Variants in ANK3 observed in about 807,000 individuals in gnomAD.
The protein encoded by ANK3 is ankyrin-3.
ANK3 carries 57 observed loss-of-function variants against 370.9 expected under a neutral mutation model. The ratio of observed to expected loss-of-function variants is 0.15; its 90% CI spans 0.12 to 0.19. The LOEUF is 0.19. Ranked by LOEUF, ANK3 falls within the 10% of genes least tolerant of loss-of-function variation. The pLI, the probability that ANK3 is intolerant of heterozygous loss-of-function variation, is 1.00. For synonymous variants in ANK3, 1,929 were observed against 1,946.3 expected (o/e 0.99, Z 0.23); for missense variants, 4,439 against 5,302.1 (o/e 0.84, Z 5.06).
intron 25 of ANK3, among the ~76,000 whole-genome samples, chr10:60,133,870 C>T (rs2094212799): frequency 1.3e-5 from 2 of 152,042 alleles, no homozygotes; most frequent in Non-Finnish European, 1.5e-5. Context: ...AGTGAGCTGA[C>T]ATCATGCCAC....
chr10:60,360,577 T>A (rs2058446126), intron 1 of ANK3, among the ~76,000 whole-genome samples: 1 of 152,048 alleles, frequency 6.6e-6, no homozygotes, highest in African/African-American at 2.4e-5. Context: ...GGCATAGTGG[T>A]ATGCACCTGT....
intron 1 of ANK3, among the ~76,000 whole-genome samples, chr10:60,716,450 C>T (rs2079789626): frequency 6.6e-6 from 1 of 152,094 alleles, no homozygotes; most frequent in Admixed American, 6.5e-5. Flanking sequence ...GAAAATAAAT[C>T]TCAATCTTCC....
intron 2 of ANK3, among the ~76,000 whole-genome samples, chr10:60,424,733 T>C (rs2063845165): frequency 6.6e-6 from 1 of 152,068 alleles, no homozygotes; most frequent in Non-Finnish European, 1.5e-5. Context: ...AAATGATTTT[T>C]ATCACATGAA....
rs1379446115 is a variant in ANK3 at position 60,068,670 on chromosome 10, C to T, written c.12211G>A (p.Ala4071Thr). 1 of 1,612,618 alleles carries T rather than the reference C, an allele frequency of 6.2e-7. No homozygotes were observed. Among genetic ancestry groups the T allele is most frequent in the Middle Eastern group, 1.7e-4 (1 of 6,052 alleles). The change falls in exon 37 of 44, where the codon GCC becomes ACC. Residue 4071 changes from alanine to threonine, a missense_variant. Physicochemically the swap from Ala to Thr is moderately conservative, Grantham distance 58. Around this residue, in one of 13 missense-constraint regions of ANK3, gnomAD observed 99 missense variants for 150.7 expected, o/e 0.66. Transcript: ENST00000280772. The stretch of plus-strand genomic sequence containing the variant: ...CTACTGCTCCTTTTCTCACTGCCGG[C>T]CTTTTCACTCTTTGATTTTAAAGGT... ...AAPLKSKSEK[A>T]GSEKRSSRRT...
intron 26 of ANK3, among the ~76,000 whole-genome samples, chr10:60,110,003 A>G (rs985179132): frequency 2.0e-5 from 3 of 152,186 alleles, no homozygotes; most frequent in Non-Finnish European, 4.4e-5. Context: ...GGGGAACACA[A>G]ATATATCCCT....
chr10:60,556,026 T>G (rs7095722), intron 2 of ANK3, among the ~76,000 whole-genome samples: 2,201 of 152,332 alleles, frequency 0.014, 58 homozygotes, highest in African/African-American at 0.05. Context: ...GGCCAAAGCC[T>G]TGGCTGCAGT....
intron 1 of ANK3, among the ~76,000 whole-genome samples, chr10:60,733,060 C>T (rs2080047945): frequency 6.6e-6 from 1 of 151,938 alleles, no homozygotes; most frequent in Admixed American, 6.5e-5. Flanking sequence ...TCCCGGGCCG[C>T]AACTTCCAGG....
intron 1 of ANK3, chr10:60,684,836 C>G (rs932154494): frequency 6.6e-7 from 1 of 1,511,322 alleles, no homozygotes; most frequent in Non-Finnish European, 9.1e-7. Context: ...ATGGAAGAAG[C>G]CAAAACTGAA....
chr10:60,228,464 G>A (rs1592088099), intron 8 of ANK3, among the ~76,000 whole-genome samples: 2 of 150,806 alleles, frequency 1.3e-5, no homozygotes, highest in African/African-American at 2.4e-5. Flanking sequence ...CCTGGGAGAC[G>A]GAGGTTGCAG....
At chr10:60,710,758 T>C (rs867444855) in intron 1 of ANK3, among the ~76,000 whole-genome samples, 53 of 152,274 alleles carry the variant, frequency 3.5e-4, no homozygotes, top group African/African-American at 1.3e-3. Context: ...ATCAGCAAGC[T>C]GGAGACCCAG....
At position 60,073,477 on chromosome 10, in the gene ANK3, A is replaced by T. The variant is rs1401459891; in HGVS notation, c.7404T>A (p.Leu2468=). The change falls in exon 37 of 44, where the codon CTT becomes CTA. Residue 2468 remains leucine, a synonymous_variant. Transcript: ENST00000280772. ...GESYRFAEKM[L]LSEKLDVSHS... ...GAGACACATCTAGCTTTTCTGACAG[A>T]AGCATTTTCTCAGCAAACCTGTAAG... The T allele has an allele frequency of 1.2e-6, 2 of 1,613,968 alleles. No individual in the cohort carries two copies. The highest frequency in any genetic ancestry group is 1.7e-5 in the Admixed American group (1 of 59,996).
At chr10:60,338,870 A>G (rs552409066) in intron 1 of ANK3, among the ~76,000 whole-genome samples, 125 of 152,158 alleles carry the variant, frequency 8.2e-4, no homozygotes, top group Middle Eastern at 3.2e-3. Flanking sequence ...GAGGCCAAAC[A>G]TATTTAATGT....
chr10:60,547,484 C>T (rs1439132163), intron 2 of ANK3, among the ~76,000 whole-genome samples: 1 of 152,058 alleles, frequency 6.6e-6, no homozygotes, highest in Non-Finnish European at 1.5e-5. Context: ...CAACCTCCAC[C>T]TCCTGGGTTC....
rs555424652 is a variant in ANK3 at position 60,554,518 on chromosome 10, T to C, written c.96+60668A>G. Among the ~76,000 whole-genome samples, 4 of 152,176 alleles carry C rather than the reference T, an allele frequency of 2.6e-5. No homozygotes were observed. The East Asian group carries it at 7.7e-4, about 29-fold the overall frequency. On this transcript the variant is annotated intron_variant, in intron 2 of 43. Transcript: ENST00000373827. ...AACTTCAAAACGATGAAGCCAAAAA[T>C]TGCAATGGTATCAGGTTTTGTAGCA... is the stretch of plus-strand genomic sequence containing the variant.
At chr10:60,412,023 A>C (rs2063570151) in intron 2 of ANK3, among the ~76,000 whole-genome samples, 1 of 152,178 alleles carries the variant, frequency 6.6e-6, no homozygotes, top group South Asian at 2.1e-4. Flanking sequence ...AGAAGAAATA[A>C]GAAAGTAAAG....
rs114561532 is a variant in ANK3 at position 60,364,313 on chromosome 10, A to G, written c.114+25112T>C. Reference sequence around the variant, plus strand: ...GGTCTCAAAAAAAAAAAAAGAGAAAATGATTAAGGCTGCTCAAGTGATCTA... The same window carrying G: ...GGTCTCAAAAAAAAAAAAAGAGAAAGTGATTAAGGCTGCTCAAGTGATCTA... On this transcript the variant is annotated intron_variant, in intron 1 of 43. Coordinates refer to ENST00000280772, the MANE Select transcript of ANK3 (RefSeq NM_020987.5). Among the ~76,000 whole-genome samples, 492 of 151,880 alleles carry G rather than the reference A, an allele frequency of 3.2e-3. 4 individuals carry two copies. Among genetic ancestry groups the G allele is most frequent in the African/African-American group, 0.011 (444 of 41,392 alleles).
At chr10:60,030,981 A>C (rs2073360480) in intron 43 of ANK3, among the ~76,000 whole-genome samples, 1 of 152,080 alleles carries the variant, frequency 6.6e-6, no homozygotes, top group Non-Finnish European at 1.5e-5. Flanking sequence ...TGGCTGAGAG[A>C]GGTAATCTCT....
intron 2 of ANK3, among the ~76,000 whole-genome samples, chr10:60,593,360 G>A (rs2077943461): frequency 6.6e-6 from 1 of 152,126 alleles, no homozygotes; most frequent in African/African-American, 2.4e-5. Flanking sequence ...ATTACCTTAT[G>A]TAAAATGTTA....
chr10:60,370,702 T>C (rs926580655), intron 1 of ANK3, among the ~76,000 whole-genome samples: 1 of 152,172 alleles, frequency 6.6e-6, no homozygotes, highest in African/African-American at 2.4e-5. Flanking sequence ...CAAAAATCAG[T>C]GGCTTCAACA....
Sources: allele counts gnomAD v4.1 joint callset (sites outside exome capture counted in the v4.1 genomes callset), GRCh38; gene constraint gnomAD v4.1.1; regional missense constraint gnomAD v4.1.1; transcripts MANE v1.5; gene names NCBI Gene and HGNC (gene_info 2026-07-23, HGNC 2026-07-21).